OXNAD1: variants seen among roughly 807,000 people sequenced by gnomAD.
OXNAD1 encodes the protein oxidoreductase NAD-binding domain-containing protein 1.
Under a neutral mutation model 32.9 loss-of-function variants are expected in OXNAD1, and 34 were observed. That is an observed-to-expected ratio of 1.03 (90% CI 0.79 to 1.38). The LOEUF is 1.38. Among genes scored for constraint, OXNAD1 ranks in the 40% most tolerant of loss-of-function variants. OXNAD1 has a pLI of 0.00. For missense variants in OXNAD1, 407 were observed against 379.4 expected (o/e 1.07, Z -0.60); for synonymous variants, 134 against 135.2 (o/e 0.99, Z 0.06).
rs1307738297 is a variant in OXNAD1 at position 16,316,792 on chromosome 3, G to T, written c.*30+13200G>T. 6.2e-7 allele frequency: 1 copy of T among 1,611,956 alleles called. No homozygotes were observed. Among genetic ancestry groups the T allele is most frequent in the South Asian group, 1.1e-5 (1 of 90,822 alleles). The stretch of plus-strand genomic sequence containing the variant: ...CTGTTGGTAAGATGCCTTGGGTTTG[G>T]CAACTCACCTAGTTTTAGCACAAAT... On this transcript the variant is annotated intron_variant, in intron 9 of 9. Coordinates refer to the OXNAD1 transcript ENST00000435829. The surrounding 1 kb of genome is among the most constrained non-coding windows in gnomAD (Gnocchi z 4.5).
Position 16,327,880 on chromosome 3 carries a change from A to G in OXNAD1, c.*31-9232A>G, listed in dbSNP as rs1574984131. 6.6e-6 allele frequency among the ~76,000 whole-genome samples: 1 copy of G among 152,130 alleles called. No homozygotes were observed. The highest frequency in any genetic ancestry group is 1.5e-5 in the Non-Finnish European group (1 of 68,000). ...AGGCGTTCTCACTGCAACAGGCCTC[A>G]TTTCTTACTACGGGTTCCTCACTAA... On this transcript the variant is annotated intron_variant, in intron 9 of 9. Transcript: ENST00000435829. The surrounding 1 kb of genome is among the most constrained non-coding windows in gnomAD (Gnocchi z 4.2).
At chr3:16,294,277 A>G (rs1575122306) in intron 5 of OXNAD1, among the ~76,000 whole-genome samples, 1 of 150,474 alleles carries the variant, frequency 6.6e-6, no homozygotes, top group Admixed American at 6.7e-5. Flanking sequence ...ATCTTGGCTC[A>G]CTGCAACATC....
At position 16,301,487 on chromosome 3, in the gene OXNAD1, C is replaced by CCGAT; in HGVS notation, c.433-139_433-138insCGAT. 9.8e-7 allele frequency: 1 copy of CCGAT among 1,024,334 alleles called. No homozygotes were observed. Among genetic ancestry groups the CCGAT allele is most frequent in the South Asian group, 1.7e-5 (1 of 58,962 alleles). The allele number at this position is 1,024,334 out of a possible 1,614,324, so 63.5% of individuals were successfully genotyped here. A position where few individuals can be genotyped will look rare whatever the true frequency, so the allele number is the denominator to read the frequency against. Reference sequence around the variant, plus strand: ...CAAGTGGAATCAATTCACAGGGCATCGGGAAAATTGGGAGCAAGCTATAAA... The same window carrying CCGAT: ...CAAGTGGAATCAATTCACAGGGCATCCGATGGGAAAATTGGGAGCAAGCTATAAA... On this transcript the variant is annotated intron_variant, in intron 6 of 8. Coordinates refer to ENST00000285083, the MANE Select transcript of OXNAD1 (RefSeq NM_138381.5). This position sits in a 1 kb window ranked among gnomAD's most constrained non-coding sequence, Gnocchi z 4.1.
rs1398750094 is a variant in OXNAD1 at position 16,288,388 on chromosome 3, C to T, written c.290+1940C>T. 6.6e-6 allele frequency among the ~76,000 whole-genome samples: 1 copy of T among 152,114 alleles called. No individual in the cohort carries two copies. The highest frequency in any genetic ancestry group is 1.9e-4 in the East Asian group (1 of 5,192). On this transcript the variant is annotated intron_variant, in intron 5 of 8. Coordinates refer to ENST00000285083, the MANE Select transcript of OXNAD1 (RefSeq NM_138381.5). The surrounding 1 kb of genome is among the most constrained non-coding windows in gnomAD (Gnocchi z 5.1). ...TGGGGTAAGAGATTGGGCCGTGATT[C>T]CACATCTCTGAATTTTTGACCAGTG...
At position 16,317,616 on chromosome 3, in the gene OXNAD1, A is replaced by G. The variant is rs2068554068; in HGVS notation, c.*30+14024A>G. Among the ~76,000 whole-genome samples, 1 of 152,106 alleles carries G rather than the reference A, an allele frequency of 6.6e-6. No individual in the cohort carries two copies. The highest frequency in any genetic ancestry group is 1.9e-4 in the East Asian group (1 of 5,178). ...GTAAGAGCCAGAGCTGCAGCTACTC[A>G]TTTCCATTCTGAGCAGGCTGAGGAT... On this transcript the variant is annotated intron_variant, in intron 9 of 9. Coordinates refer to the OXNAD1 transcript ENST00000435829. This position sits in a 1 kb window ranked among gnomAD's most constrained non-coding sequence, Gnocchi z 4.3.
chr3:16,307,531 G>A (rs1212083474), downstream of OXNAD1, among the ~76,000 whole-genome samples: 3 of 152,218 alleles, frequency 2.0e-5, no homozygotes, highest in African/African-American at 7.2e-5. Context: ...TCCAGTCATT[G>A]GTGATCTTGA....
In OXNAD1 at chr3:16,324,847, G is replaced by A. The variant is rs554473240; in HGVS notation, c.*31-12265G>A. Among the ~76,000 whole-genome samples, 29 of 152,048 alleles carry A rather than the reference G, an allele frequency of 1.9e-4. 1 individual carries two copies. Among genetic ancestry groups the A allele is most frequent in the Admixed American group, 1.5e-3 (23 of 15,272 alleles). ...TCCTTTGGATATATACCTAGAAGTG[G>A]GTTTGCTGGATCATGTGCTAAGTCT... is the stretch of plus-strand genomic sequence containing the variant. On this transcript the variant is annotated intron_variant, in intron 9 of 9. Transcript: ENST00000435829.
chr3:16,319,422 C>G (rs2068791581), intron 9 of OXNAD1, among the ~76,000 whole-genome samples: 1 of 152,202 alleles, frequency 6.6e-6, no homozygotes, highest in Non-Finnish European at 1.5e-5. Flanking sequence ...ATCTGAGTTT[C>G]AAGTTACTCA....
At chr3:16,332,344 C>T (rs112709915) in intron 9 of OXNAD1, among the ~76,000 whole-genome samples, 7,843 of 87,510 alleles carry the variant, frequency 0.09, 663 homozygotes, top group African/African-American at 0.26. Flanking sequence ...TGTCTTCCAA[C>T]TTTTATGTTT....
intron 6 of OXNAD1, 131 bp downstream of exon 6, chr3:16,295,128 T>A: frequency 1.8e-6 from 2 of 1,141,980 alleles, no homozygotes; most frequent in Non-Finnish European, 2.3e-6. Context: ...AAAGAGCTTC[T>A]AAGAAAGGTC....
Position 16,323,529 on chromosome 3 carries a change from C to G in OXNAD1, c.*31-13583C>G. On this transcript the variant is annotated intron_variant, in intron 9 of 9. Transcript: ENST00000435829. Reference sequence around the variant, plus strand: ...ACCCAAAACCTGACACAGATGTTGCCATCCCTAATTTCATCAAAGCAGACC... The same window carrying G: ...ACCCAAAACCTGACACAGATGTTGCGATCCCTAATTTCATCAAAGCAGACC... 6 of 1,093,310 alleles carry G rather than the reference C, an allele frequency of 5.5e-6. No individual in the cohort carries two copies. The South Asian group carries it at 7.7e-5, about 14-fold the overall frequency. The allele number at this position is 1,093,310 out of a possible 1,614,324, so 67.7% of individuals were successfully genotyped here. A position where few individuals can be genotyped will look rare whatever the true frequency, so the allele number is the denominator to read the frequency against.
downstream of OXNAD1, among the ~76,000 whole-genome samples, chr3:16,307,875 A>G (rs2067677186): frequency 6.6e-6 from 1 of 152,234 alleles, no homozygotes; most frequent in South Asian, 2.1e-4. Context: ...TGAACAGTAC[A>G]GCTAAATTGG....
At position 16,327,543 on chromosome 3, in the gene OXNAD1, T is replaced by C. The variant is rs2069831690; in HGVS notation, c.*31-9569T>C. On this transcript the variant is annotated intron_variant, in intron 9 of 9. Transcript: ENST00000435829. This position sits in a 1 kb window ranked among gnomAD's most constrained non-coding sequence, Gnocchi z 4.2. ...GGGAGGCTGAGGCAGGTGGATCACA[T>C]GGTCAGGAGATCAAGACCATCCTGG... Among the ~76,000 whole-genome samples, 1 of 151,976 alleles carries C rather than the reference T, an allele frequency of 6.6e-6. No homozygotes were observed. Among genetic ancestry groups the C allele is most frequent in the Admixed American group, 6.5e-5 (1 of 15,268 alleles).
Position 16,305,616 on chromosome 3 carries a change from G to A in OXNAD1, c.*2054G>A, listed in dbSNP as rs967686218. On this transcript the variant is annotated 3_prime_UTR_variant, in exon 9 of 9. Transcript: ENST00000285083. This position sits in a 1 kb window ranked among gnomAD's most constrained non-coding sequence, Gnocchi z 4.5. Reference sequence around the variant, plus strand: ...AAATTGAGCTAACTCCAGCCAGAGTGGCTTGGAATTCATAGTGCGGTGGCT... The same window carrying A: ...AAATTGAGCTAACTCCAGCCAGAGTAGCTTGGAATTCATAGTGCGGTGGCT... The A allele has an allele frequency of 6.6e-6, 1 of 152,238 alleles. No homozygotes were observed. The highest frequency in any genetic ancestry group is 1.5e-5 in the Non-Finnish European group (1 of 68,064). 9.4% of individuals were successfully genotyped at this position (152,238 alleles called of 1,614,324 possible). A position where few individuals can be genotyped will look rare whatever the true frequency, so the allele number is the denominator to read the frequency against.
At chr3:16,286,243 C>A in intron 4 of OXNAD1, 99 bp from the exon 5 acceptor site, 1 of 923,600 alleles carries the variant, frequency 1.1e-6, no homozygotes, top group Non-Finnish European at 1.7e-6. Flanking sequence ...AAAACCACAT[C>A]TTTGTAGGTT....
intron 4 of OXNAD1, among the ~76,000 whole-genome samples, chr3:16,279,528 TGAGGCCACGTA>T (rs1402158189): frequency 6.6e-6 from 1 of 151,848 alleles, no homozygotes; most frequent in Non-Finnish European, 1.5e-5. Flanking sequence ...GATGAAAAGT[TGAGGCCACGTA>T]GAGAGTAAGG....
At chr3:16,270,670 C>A (rs1439291538) in intron 2 of OXNAD1, among the ~76,000 whole-genome samples, 1 of 152,026 alleles carries the variant, frequency 6.6e-6, no homozygotes, top group Non-Finnish European at 1.5e-5. Context: ...GTGAACTTGG[C>A]CAGAGATTTT....
At chr3:16,341,987 G>GT (rs1410030647), downstream of OXNAD1, among the ~76,000 whole-genome samples, 1 of 152,126 alleles carries the variant, frequency 6.6e-6, no homozygotes, top group African/African-American at 2.4e-5. The surrounding 1 kb of genome is among the most constrained non-coding windows in gnomAD (Gnocchi z 4.7). Flanking sequence ...TTCTTGACCT[G>GT]TATTTTCTAA....
rs2064907550 is a variant in OXNAD1, at chr3:16,271,172, C to G, written c.119+101C>G. 5 of 1,369,276 alleles carry G rather than the reference C, an allele frequency of 3.7e-6. No individual in the cohort carries two copies. Among genetic ancestry groups the G allele is most frequent in the Admixed American group, 2.0e-5 (1 of 49,044 alleles). 84.8% of individuals were successfully genotyped at this position (1,369,276 alleles called of 1,614,324 possible). A position where few individuals can be genotyped will look rare whatever the true frequency, so the allele number is the denominator to read the frequency against. On this transcript the variant is annotated intron_variant, in intron 3 of 8. Coordinates refer to ENST00000285083, the MANE Select transcript of OXNAD1 (RefSeq NM_138381.5). This position sits in a 1 kb window ranked among gnomAD's most constrained non-coding sequence, Gnocchi z 4.6. ...ATATCAAACTCCCGGAAAGGTAACACCTTAGCTTCAATGTGCATGCTGTCA... is the reference window on the plus strand; with the variant it reads ...ATATCAAACTCCCGGAAAGGTAACAGCTTAGCTTCAATGTGCATGCTGTCA...
Sources: allele counts gnomAD v4.1 joint callset (sites outside exome capture counted in the v4.1 genomes callset), GRCh38; gene constraint gnomAD v4.1.1; non-coding constraint Gnocchi (gnomAD v3.1); transcripts MANE v1.5; gene names NCBI Gene and HGNC (gene_info 2026-07-23, HGNC 2026-07-21).